The following EFL1 variants were observed in gnomAD, a reference collection of about 807,000 sequenced individuals.
EFL1 encodes elongation factor like GTPase 1.
Under a neutral mutation model 126.7 loss-of-function variants are expected in EFL1, and 76 were observed. That is an observed-to-expected ratio of 0.60 (90% CI 0.50 to 0.73). The LOEUF is 0.73. Among genes scored for constraint, EFL1 ranks in the 30% least tolerant of loss-of-function variants. EFL1 has a pLI of 0.00. For synonymous variants in EFL1, 410 were observed against 448.4 expected (o/e 0.91, Z 1.08); for missense variants, 1,128 against 1,343.2 (o/e 0.84, Z 2.50).
At chr15:82,261,367 T>C (rs942769325) in intron 2 of EFL1, among the ~76,000 whole-genome samples, 3 of 152,204 alleles carry the variant, frequency 2.0e-5, no homozygotes, top group African/African-American at 4.8e-5. Context: ...TAGGATCACA[T>C]ACCACAGACT....
chr15:82,228,657 A>C (rs1338493678), intron 9 of EFL1, among the ~76,000 whole-genome samples: 1 of 152,230 alleles, frequency 6.6e-6, no homozygotes, highest in Non-Finnish European at 1.5e-5. Flanking sequence ...AAATTTACTA[A>C]AGCAAACTTA....
At position 82,151,481 on chromosome 15, in the gene EFL1, G is replaced by A; in HGVS notation, c.2973C>T (p.Ala991=). The change falls in exon 18 of 20, where the codon GCC becomes GCT. Residue 991 remains alanine, a synonymous_variant. Coordinates refer to ENST00000268206, the MANE Select transcript of EFL1 (RefSeq NM_024580.6). ...MAAMYTCDIM[A]TGDVLGRVYA... is the part of the protein sequence containing the mutation. ...CTTCCTTACCGAGAACATCACCAGT[G>A]GCCATGATGTCACATGTGTACATAG... is the stretch of plus-strand genomic sequence containing the variant. 3 of 1,610,354 alleles carry A rather than the reference G, an allele frequency of 1.9e-6. No individual in the cohort carries two copies. The highest frequency in any genetic ancestry group is 2.5e-6 in the Non-Finnish European group (3 of 1,178,568).
At chr15:82,170,409 C>G (rs936686320) in intron 15 of EFL1, among the ~76,000 whole-genome samples, 2 of 152,066 alleles carry the variant, frequency 1.3e-5, no homozygotes, top group Admixed American at 1.3e-4. Flanking sequence ...CCACCGCGCC[C>G]GGCCCCACTG....
chr15:82,228,359 T>C (rs969114130), intron 9 of EFL1, 32 bp from the exon 10 acceptor site: 1 of 1,604,328 alleles, frequency 6.2e-7, no homozygotes, highest in African/African-American at 1.3e-5. Context: ...AGAGGGGAAA[T>C]GTCATATGCA....
At position 82,130,352 on chromosome 15, in the gene EFL1, G is replaced by T. The variant is rs780735521; in HGVS notation, c.*21C>A. 4.4e-5 allele frequency: 70 copies of T among 1,608,914 alleles called. No individual in the cohort carries two copies. Among genetic ancestry groups the T allele is most frequent in the Non-Finnish European group, 5.8e-5 (68 of 1,177,346 alleles). On this transcript the variant is annotated 3_prime_UTR_variant, in exon 20 of 20. Transcript: ENST00000268206. ...ACTTTTAAATTCACTATAAGGAAAA[G>T]AATCCACCAGTAGTAGGTAGCTACT...
chr15:82,165,900 C>G (rs973736163), intron 15 of EFL1, among the ~76,000 whole-genome samples: 1 of 152,172 alleles, frequency 6.6e-6, no homozygotes, highest in Non-Finnish European at 1.5e-5. Context: ...CCTCCTGTGC[C>G]TCCAGTGTAC....
At chr15:82,191,328 G>A (rs949723090) in intron 15 of EFL1, among the ~76,000 whole-genome samples, 3 of 152,140 alleles carry the variant, frequency 2.0e-5, no homozygotes, top group African/African-American at 7.2e-5. Flanking sequence ...TCACTCAAAT[G>A]TAGCCTATCT....
At chr15:82,200,764 G>C (rs901928248) in intron 15 of EFL1, among the ~76,000 whole-genome samples, 4 of 152,188 alleles carry the variant, frequency 2.6e-5, no homozygotes, top group African/African-American at 9.6e-5. Flanking sequence ...TCTTTAATAA[G>C]AAATGTTCAG....
chr15:82,135,972 T>A lies in EFL1; in HGVS notation c.3174+2686A>T, dbSNP rs543538786. On this transcript the variant is annotated intron_variant, in intron 19 of 19. Transcript: ENST00000268206. ...CACATGTCAGCCCTAGTCTGCCTCCTTAGACTCAAAAGAGAAATAATCTCT... is the reference window on the plus strand; with the variant it reads ...CACATGTCAGCCCTAGTCTGCCTCCATAGACTCAAAAGAGAAATAATCTCT... Among the ~76,000 whole-genome samples the A allele has an allele frequency of 3.3e-5, 5 of 152,254 alleles. No individual in the cohort carries two copies. The South Asian group carries it at 1.0e-3, about 32-fold the overall frequency.
At chr15:82,246,254 A>G (rs1248815106) in intron 4 of EFL1, among the ~76,000 whole-genome samples, 1 of 152,086 alleles carries the variant, frequency 6.6e-6, no homozygotes, top group Non-Finnish European at 1.5e-5. Flanking sequence ...TCTAATAATT[A>G]CACATCCACA....
In EFL1 at chr15:82,142,262, T is replaced by G. The variant is rs967739632; in HGVS notation, c.2990-3420A>C. ...GCTCATCACTGTAATACTAGCACTT[T>G]GGGAGGCAGAGGTGGGAGGAACGCT... is the stretch of plus-strand genomic sequence containing the variant. On this transcript the variant is annotated intron_variant, in intron 18 of 19. Transcript: ENST00000268206. 2.0e-4 allele frequency among the ~76,000 whole-genome samples: 31 copies of G among 152,174 alleles called. 3 individuals carry two copies. The highest frequency in any genetic ancestry group is 7.3e-5 in the Non-Finnish European group (5 of 68,034).
chr15:82,174,311 C>G (rs2074170513), intron 15 of EFL1: 1 of 152,024 alleles, frequency 6.6e-6, no homozygotes, highest in Non-Finnish European at 1.5e-5. Flanking sequence ...GTCAGCACAC[C>G]TGGAGTGTAC....
rs575551257 is a variant in EFL1 at position 82,167,704 on chromosome 15, C to T, written c.1751-3720G>A. Among the ~76,000 whole-genome samples the T allele has an allele frequency of 2.6e-5, 4 of 152,090 alleles. No homozygotes were observed. In the South Asian group the frequency reaches 8.3e-4, roughly 32 times the overall value. ...GAATACTAACACTGCTTTCTGGGGGCGAGCCTGTTAGCTGTCTGGATAGGG... is the reference window on the plus strand; with the variant it reads ...GAATACTAACACTGCTTTCTGGGGGTGAGCCTGTTAGCTGTCTGGATAGGG... On this transcript the variant is annotated intron_variant, in intron 15 of 19. Transcript: ENST00000268206.
chr15:82,225,049 A>T, intron 12 of EFL1, 116 bp downstream of exon 12: 2 of 657,828 alleles, frequency 3.0e-6, no homozygotes, highest in Non-Finnish European at 2.5e-6. Flanking sequence ...GCTTGATATG[A>T]ATTCTGGGTT....
chr15:82,248,263 T>C (rs2074991189), intron 4 of EFL1, among the ~76,000 whole-genome samples: 2 of 152,044 alleles, frequency 1.3e-5, no homozygotes. Flanking sequence ...GAACAAAATC[T>C]ACCCTTCAGT....
chr15:82,240,703 G>T, intron 5 of EFL1, 148 bp from the exon 6 acceptor site: 1 of 866,682 alleles, frequency 1.2e-6, no homozygotes, highest in Non-Finnish European at 1.7e-6. Flanking sequence ...CAGCGGAGTA[G>T]CAAAGAACTA....
intron 15 of EFL1, among the ~76,000 whole-genome samples, chr15:82,179,972 A>G (rs1274653388): frequency 6.6e-6 from 1 of 152,170 alleles, no homozygotes; most frequent in African/African-American, 2.4e-5. Flanking sequence ...CTACAGGTAA[A>G]ACTGGTTTAA....
chr15:82,254,429 T>C (rs1233133065), intron 3 of EFL1, among the ~76,000 whole-genome samples: 3 of 151,878 alleles, frequency 2.0e-5, no homozygotes, highest in Admixed American at 6.6e-5. Flanking sequence ...AACAACACAA[T>C]GAACCCCTGT....
At chr15:82,158,715 C>G (rs1227331154) in intron 16 of EFL1, among the ~76,000 whole-genome samples, 1 of 152,176 alleles carries the variant, frequency 6.6e-6, no homozygotes. Flanking sequence ...TTTCAACATG[C>G]CTTATAAAAG....
Sources: gnomAD v4.1 joint callset for allele counts (sites outside exome capture counted in the v4.1 genomes callset) on GRCh38, gnomAD v4.1.1 for gene constraint, MANE v1.5 for transcripts, NCBI Gene and HGNC (gene_info 2026-07-23, HGNC 2026-07-21) for gene names.